FER: variants seen among roughly 807,000 people sequenced by gnomAD.
FER encodes FER tyrosine kinase.
In FER, 63 loss-of-function variants were observed where a neutral mutation model predicts 111.0. The ratio of observed to expected loss-of-function variants is 0.57; its 90% CI spans 0.46 to 0.70. The LOEUF is 0.70. Among genes scored for constraint, FER ranks in the 30% least tolerant of loss-of-function variants. The probability of loss-of-function intolerance (pLI) is 0.00; values close to 1 mark genes in which losing one functional copy is unlikely to be tolerated. For missense variants in FER, 914 were observed against 954.0 expected (o/e 0.96, Z 0.55); for synonymous variants, 327 against 313.9 (o/e 1.04, Z -0.44).
chr5:109,177,240 A>G (rs62376771), intron 17 of FER, among the ~76,000 whole-genome samples: 11,311 of 152,160 alleles, frequency 0.074, 532 homozygotes, highest in Middle Eastern at 0.18. Flanking sequence ...TTTTATCAGA[A>G]TATAGTAGAG....
intron 5 of FER, among the ~76,000 whole-genome samples, chr5:108,856,332 T>G (rs1014442169): frequency 7.3e-5 from 11 of 150,380 alleles, no homozygotes; most frequent in Non-Finnish European, 1.2e-4. Context: ...AATGAAAAAG[T>G]TTTTTTTCCC....
At chr5:108,989,813 G>T (rs1762965890) in intron 13 of FER, among the ~76,000 whole-genome samples, 1 of 151,874 alleles carries the variant, frequency 6.6e-6, no homozygotes, top group African/African-American at 2.4e-5. Context: ...GTAAGCATGA[G>T]AATACATTAA....
chr5:109,096,988 AATAT>A (rs1747615176), intron 16 of FER, among the ~76,000 whole-genome samples: 1 of 148,240 alleles, frequency 6.7e-6, no homozygotes, highest in African/African-American at 2.4e-5. Context: ...TATAAATATA[AATAT>A]ATAATTATAT....
chr5:109,119,110 A>G (rs1201027213), intron 17 of FER, among the ~76,000 whole-genome samples: 1 of 151,956 alleles, frequency 6.6e-6, no homozygotes, highest in Admixed American at 6.6e-5. Flanking sequence ...TAGGGTGTCA[A>G]TTTTAGATCT....
At chr5:109,035,741 G>A (rs766659850) in intron 13 of FER, among the ~76,000 whole-genome samples, 13 of 152,122 alleles carry the variant, frequency 8.5e-5, no homozygotes, top group African/African-American at 1.2e-4. Context: ...CTTTTTCTGC[G>A]TTGGGAAAAA....
At chr5:108,879,701 A>AAAAAAATAT in intron 8 of FER, among the ~76,000 whole-genome samples, 2 of 99,128 alleles carry the variant, frequency 2.0e-5, no homozygotes, top group African/African-American at 4.8e-5. Context: ...ATTAAAAAAA[A>AAAAAAATAT]ATATATATAT....
At chr5:109,042,886 A>G (rs1030686720) in intron 14 of FER, among the ~76,000 whole-genome samples, 1 of 152,182 alleles carries the variant, frequency 6.6e-6, no homozygotes, top group Non-Finnish European at 1.5e-5. Flanking sequence ...GTGGAGCTAT[A>G]TAGAGGCCAA....
At chr5:109,100,256 C>T (rs1340268881) in intron 16 of FER, 140 bp from the exon 17 acceptor site, 4 of 878,224 alleles carry the variant, frequency 4.6e-6, no homozygotes, top group African/African-American at 1.7e-5. Flanking sequence ...GTTATCCTCA[C>T]GTCAAACAAA....
In FER at chr5:109,002,614, T is replaced by G. The variant is rs532615702; in HGVS notation, c.1657-34808T>G. Among the ~76,000 whole-genome samples the G allele has an allele frequency of 3.3e-5, 5 of 152,200 alleles. No individual in the cohort carries two copies. The South Asian group carries it at 6.2e-4, about 19-fold the overall frequency. On this transcript the variant is annotated intron_variant, in intron 13 of 19. Coordinates refer to ENST00000281092, the MANE Select transcript of FER (RefSeq NM_005246.4). ...AAAGCAATGGCAACAAAAGCCAAAA[T>G]TGACAAATGGGATCTAATGAAACTA...
At chr5:109,113,194 A>T (rs1749833537) in intron 17 of FER, among the ~76,000 whole-genome samples, 1 of 152,148 alleles carries the variant, frequency 6.6e-6, no homozygotes, top group African/African-American at 2.4e-5. Flanking sequence ...TAATAATATG[A>T]GGAGGGCTTG....
chr5:109,159,888 A>T lies in FER; in HGVS notation c.2049-20859A>T, dbSNP rs566877429. Among the ~76,000 whole-genome samples, 301 of 152,262 alleles carry T rather than the reference A, an allele frequency of 2.0e-3. 2 individuals are homozygous for T. The highest frequency in any genetic ancestry group is 6.6e-3 in the African/African-American group (273 of 41,566). On this transcript the variant is annotated intron_variant, in intron 17 of 19. Coordinates refer to ENST00000281092, the MANE Select transcript of FER (RefSeq NM_005246.4). Reference sequence around the variant, plus strand: ...TACTAAGCAGATGATCTGCACTGATAAAAAACCATTGACTAGTTTTGATTT... The same window carrying T: ...TACTAAGCAGATGATCTGCACTGATTAAAAACCATTGACTAGTTTTGATTT...
chr5:109,072,543 C>A (rs559768545), intron 16 of FER, among the ~76,000 whole-genome samples: 1 of 151,820 alleles, frequency 6.6e-6, no homozygotes, highest in South Asian at 2.1e-4. Context: ...TCAAGTGATC[C>A]CAGAAAAACA....
intron 17 of FER, among the ~76,000 whole-genome samples, chr5:109,159,356 G>A (rs1335454153): frequency 1.3e-5 from 2 of 152,064 alleles, no homozygotes; most frequent in African/African-American, 4.8e-5. Context: ...ATATTTTTGT[G>A]TTTATAGCAG....
intron 17 of FER, among the ~76,000 whole-genome samples, chr5:109,111,612 GT>G (rs2126408642): frequency 6.6e-6 from 1 of 152,238 alleles, no homozygotes; most frequent in East Asian, 1.9e-4. Flanking sequence ...AAGAAGAGAG[GT>G]TTAACTGACT....
intron 17 of FER, among the ~76,000 whole-genome samples, chr5:109,146,253 A>AAT (rs6149172): frequency 0.077 from 3,209 of 41,812 alleles, 254 homozygotes; most frequent in East Asian, 0.1. Flanking sequence ...TAATCTATCT[A>AAT]ATATATATAT....
intron 10 of FER, among the ~76,000 whole-genome samples, chr5:108,909,107 T>C (rs1431155144): frequency 6.6e-6 from 1 of 152,236 alleles, no homozygotes; most frequent in South Asian, 2.1e-4. Context: ...TGACAATGTA[T>C]GTAGTGAAGG....
intron 13 of FER, among the ~76,000 whole-genome samples, chr5:108,996,903 G>GT (rs1764057682): frequency 6.6e-6 from 1 of 152,164 alleles, no homozygotes; most frequent in South Asian, 2.1e-4. Context: ...AGCATGGAAT[G>GT]TTTTTTCATT....
intron 2 of FER, among the ~76,000 whole-genome samples, chr5:108,794,128 A>G (rs1232589637): frequency 6.6e-6 from 1 of 151,696 alleles, no homozygotes; most frequent in African/African-American, 2.4e-5. Context: ...TACTTCTACC[A>G]GTGAGTTTTG....
intron 17 of FER, among the ~76,000 whole-genome samples, chr5:109,144,186 T>G (rs535428531): frequency 7.2e-5 from 11 of 152,264 alleles, no homozygotes; most frequent in African/African-American, 2.6e-4. Flanking sequence ...CATTTTATCC[T>G]TCATATTCTT....
Sources: gnomAD v4.1 joint callset for allele counts (sites outside exome capture counted in the v4.1 genomes callset) on GRCh38, gnomAD v4.1.1 for gene constraint, MANE v1.5 for transcripts, NCBI Gene and HGNC (gene_info 2026-07-23, HGNC 2026-07-21) for gene names.